The following SOX5 variants were observed in gnomAD, a reference collection of about 807,000 sequenced individuals.
The protein encoded by SOX5 is transcription factor SOX-5.
In SOX5, 9 loss-of-function variants were observed where a neutral mutation model predicts 92.0. That is an observed-to-expected ratio of 0.10 (90% CI 0.06 to 0.17). The LOEUF is 0.17. Among genes scored for constraint, SOX5 ranks in the 10% least tolerant of loss-of-function variants. The pLI is 1.00. For synonymous variants in SOX5, 344 were observed against 336.3 expected (o/e 1.02, Z -0.25); for missense variants, 642 against 944.5 (o/e 0.68, Z 4.20).
chr12:24,139,905 T>C (rs1470157668), intron 4 of SOX5, among the ~76,000 whole-genome samples: 1 of 152,108 alleles, frequency 6.6e-6, no homozygotes, highest in African/African-American at 2.4e-5. Flanking sequence ...CCTTAGGATA[T>C]ACGAATGAAT....
chr12:23,947,436 A>T (rs1383822164), intron 1 of SOX5, among the ~76,000 whole-genome samples: 1 of 151,984 alleles, frequency 6.6e-6, no homozygotes, highest in Non-Finnish European at 1.5e-5. Flanking sequence ...TTGTGTCTAC[A>T]TGATACACTG....
chr12:23,586,111 A>G (rs567367863), intron 9 of SOX5, among the ~76,000 whole-genome samples: 6 of 152,120 alleles, frequency 3.9e-5, no homozygotes, highest in African/African-American at 1.4e-4. Context: ...TCTTTTGCCT[A>G]TTAAACTTTA....
In SOX5 at chr12:23,598,064, G is replaced by C. The variant is rs994809101; in HGVS notation, c.1164+6323C>G. ...CTTTTATTAATACTATTTCAGCACT[G>C]TGAATTACTTAGAAATACTACATTC... On this transcript the variant is annotated intron_variant, in intron 9 of 14. Coordinates refer to ENST00000451604, the MANE Select transcript of SOX5 (RefSeq NM_006940.6). Among the ~76,000 whole-genome samples the C allele has an allele frequency of 5.3e-5, 8 of 152,164 alleles. No individual in the cohort carries two copies. The East Asian group carries it at 9.6e-4, about 18-fold the overall frequency.
chr12:23,697,617 G>T (rs1052631558), intron 6 of SOX5, among the ~76,000 whole-genome samples: 7 of 152,076 alleles, frequency 4.6e-5, no homozygotes, highest in Admixed American at 3.9e-4. Flanking sequence ...GTGGTGCTAT[G>T]GCAGCTCACA....
chr12:24,285,309 G>A (rs998166333), intron 2 of SOX5, among the ~76,000 whole-genome samples: 7 of 137,968 alleles, frequency 5.1e-5, no homozygotes, highest in Admixed American at 4.1e-4. Context: ...TGTAAAGCAT[G>A]GTACCCTTTC....
chr12:24,105,823 G>GT (rs901518530), intron 4 of SOX5, among the ~76,000 whole-genome samples: 1 of 151,998 alleles, frequency 6.6e-6, no homozygotes, highest in Non-Finnish European at 1.5e-5. Flanking sequence ...TTCAGAATAA[G>GT]TTTTTTTCAG....
rs532731499 is a variant in SOX5, at chr12:24,164,449, C to A, written c.-2+48894G>T. ...TTTTGAAACAAAAATAATCATTTAA[C>A]TTATTTACCAAGGAGAAAAATAGTA... On this transcript the variant is annotated intron_variant, in intron 4 of 4. Coordinates refer to the SOX5 transcript ENST00000446891. Among the ~76,000 whole-genome samples, 242 of 152,104 alleles carry A rather than the reference C, an allele frequency of 1.6e-3. 1 individual carries two copies. Among genetic ancestry groups the A allele is most frequent in the African/African-American group, 5.5e-3 (229 of 41,544 alleles).
At chr12:24,283,064 G>C (rs886966757) in intron 2 of SOX5, among the ~76,000 whole-genome samples, 10 of 152,152 alleles carry the variant, frequency 6.6e-5, no homozygotes. Context: ...TAGTATATTA[G>C]TGCATGTGCA....
At chr12:23,893,471 T>C (rs1460790852) in intron 2 of SOX5, among the ~76,000 whole-genome samples, 2 of 151,894 alleles carry the variant, frequency 1.3e-5, no homozygotes, top group African/African-American at 2.4e-5. Context: ...AATGGTTTCA[T>C]TTGTATTAAC....
chr12:24,536,989 A>G (rs923638676), intron 1 of SOX5, among the ~76,000 whole-genome samples: 4 of 152,148 alleles, frequency 2.6e-5, no homozygotes. Flanking sequence ...TTAGCTTTTC[A>G]TTCTTCCGTG....
rs561820965 is a variant in SOX5, at chr12:24,009,202, C to A, written c.-1-113178G>T. 2.6e-5 allele frequency among the ~76,000 whole-genome samples: 4 copies of A among 152,306 alleles called. No homozygotes were observed. The South Asian group carries it at 8.3e-4, about 32-fold the overall frequency. On this transcript the variant is annotated intron_variant, in intron 4 of 4. Coordinates refer to the SOX5 transcript ENST00000446891. Reference sequence around the variant, plus strand: ...GACTACAACTACATAAGAGATTCCACGTGAGACCCATCCAGTTAAACCCAA... The same window carrying A: ...GACTACAACTACATAAGAGATTCCAAGTGAGACCCATCCAGTTAAACCCAA...
chr12:24,545,127 G>A (rs1024106856), intron 1 of SOX5, among the ~76,000 whole-genome samples: 4 of 152,048 alleles, frequency 2.6e-5, no homozygotes, highest in African/African-American at 7.3e-5. Flanking sequence ...TCTTGTCCAC[G>A]TACTGAGCAA....
At chr12:24,184,099 C>T (rs938038289) in intron 4 of SOX5, among the ~76,000 whole-genome samples, 15 of 152,060 alleles carry the variant, frequency 9.9e-5, no homozygotes, top group African/African-American at 3.6e-4. Flanking sequence ...TTCAGTAGAA[C>T]TTTTAACAAT....
intron 6 of SOX5, among the ~76,000 whole-genome samples, chr12:23,704,845 T>C (rs1176143057): frequency 1.3e-5 from 2 of 151,192 alleles, no homozygotes; most frequent in African/African-American, 4.8e-5. Flanking sequence ...AAAGAATTAA[T>C]AGTGATAATA....
chr12:23,776,543 A>G (rs138345709), intron 3 of SOX5, among the ~76,000 whole-genome samples: 3 of 152,308 alleles, frequency 2.0e-5, no homozygotes, highest in Non-Finnish European at 4.4e-5. Context: ...ATTGACAAGG[A>G]AGGAGTATTT....
intron 1 of SOX5, among the ~76,000 whole-genome samples, chr12:24,386,403 A>G (rs925619198): frequency 2.0e-5 from 3 of 152,194 alleles, no homozygotes; most frequent in Non-Finnish European, 4.4e-5. Context: ...CCTGTGTATT[A>G]TATGTATTAA....
At chr12:24,318,785 T>C (rs1949943197) in intron 2 of SOX5, among the ~76,000 whole-genome samples, 1 of 152,170 alleles carries the variant, frequency 6.6e-6, no homozygotes, top group Admixed American at 6.5e-5. Flanking sequence ...TACAACCCAG[T>C]GATGCTGGGG....
rs1939224652 is a variant in SOX5 at position 23,532,142 on chromosome 12, A to T, written c.*2077T>A. The T allele has an allele frequency of 6.6e-6, 1 of 151,560 alleles. No homozygotes were observed. The highest frequency in any genetic ancestry group is 6.6e-5 in the Admixed American group (1 of 15,182). 9.4% of individuals were successfully genotyped at this position (151,560 alleles called of 1,614,324 possible). On this transcript the variant is annotated 3_prime_UTR_variant, in exon 15 of 15. Coordinates refer to ENST00000451604, the MANE Select transcript of SOX5 (RefSeq NM_006940.6). ...TTATTATTATTTTATCATCATCATC[A>T]TTACAACACTAGCAAAAAGAGGCAG...
At chr12:23,993,616 A>G (rs1244575399) in intron 4 of SOX5, among the ~76,000 whole-genome samples, 1 of 152,208 alleles carries the variant, frequency 6.6e-6, no homozygotes, top group Non-Finnish European at 1.5e-5. Context: ...CCAAAGTCAC[A>G]TGGGATCCAA....
Sources: allele counts gnomAD v4.1 joint callset (sites outside exome capture counted in the v4.1 genomes callset), GRCh38; gene constraint gnomAD v4.1.1; transcripts MANE v1.5; gene names NCBI Gene and HGNC (gene_info 2026-07-23, HGNC 2026-07-21).